Variants in PAPOLG observed in about 807,000 individuals in gnomAD.
PAPOLG encodes poly(A) polymerase gamma.
In PAPOLG, 40 loss-of-function variants were observed where a neutral mutation model predicts 99.0. That is an observed-to-expected ratio of 0.40 (90% CI 0.31 to 0.53). PAPOLG has a LOEUF of 0.53. Among genes scored for constraint, PAPOLG ranks in the 20% least tolerant of loss-of-function variants. PAPOLG has a pLI of 0.41. For missense variants in PAPOLG, 675 were observed against 884.1 expected (o/e 0.76, Z 3.00); for synonymous variants, 310 against 299.3 (o/e 1.04, Z -0.37).
intron 21 of PAPOLG, 80 bp from the exon 22 acceptor site, chr2:60,796,982 T>C: frequency 6.4e-7 from 1 of 1,568,584 alleles, no homozygotes; most frequent in Non-Finnish European, 8.7e-7. Context: ...TCCCCAAGTT[T>C]TGTGACTGAC....
intron 3 of PAPOLG, among the ~76,000 whole-genome samples, chr2:60,763,688 G>C (rs1029024943): frequency 6.6e-6 from 1 of 151,352 alleles, no homozygotes; most frequent in African/African-American, 2.4e-5. Context: ...ATTTTTAGTA[G>C]AGACGGGGTT....
intron 9 of PAPOLG, among the ~76,000 whole-genome samples, chr2:60,780,435 A>G (rs1671154044): frequency 6.6e-6 from 1 of 151,970 alleles, no homozygotes; most frequent in African/African-American, 2.4e-5. Flanking sequence ...ACCACTAGGC[A>G]TGGCTAATTT....
intron 10 of PAPOLG, among the ~76,000 whole-genome samples, 188 bp from the exon 11 acceptor site, chr2:60,781,697 T>C (rs1360189780): frequency 6.6e-6 from 1 of 152,242 alleles, no homozygotes; most frequent in Admixed American, 6.5e-5. Flanking sequence ...CAGTATTTCC[T>C]TTGACTTTGA....
intron 18 of PAPOLG, 29 bp downstream of exon 18, chr2:60,793,744 A>G (rs969630620): frequency 1.1e-5 from 18 of 1,578,726 alleles, no homozygotes; most frequent in Non-Finnish European, 1.5e-5. Context: ...ATATATTAAT[A>G]ATTATATTTA....
intron 14 of PAPOLG, 103 bp downstream of exon 14, chr2:60,787,169 G>A (rs549121581): frequency 1.1e-5 from 11 of 998,326 alleles, no homozygotes; most frequent in African/African-American, 1.6e-5. Context: ...GGCATTGATG[G>A]GAGTATGACA....
chr2:60,766,715 C>T (rs1428917598), intron 3 of PAPOLG, among the ~76,000 whole-genome samples: 3 of 148,512 alleles, frequency 2.0e-5, no homozygotes, highest in African/African-American at 2.5e-5. Flanking sequence ...ACAAAAGATG[C>T]CCAGAAAGAA....
intron 7 of PAPOLG, among the ~76,000 whole-genome samples, chr2:60,772,559 G>A (rs1670887226): frequency 6.6e-6 from 1 of 151,952 alleles, no homozygotes; most frequent in Non-Finnish European, 1.5e-5. Flanking sequence ...GACCAGCCTG[G>A]ACAACATGGT....
chr2:60,783,420 C>G (rs756707612), intron 13 of PAPOLG, among the ~76,000 whole-genome samples: 1 of 135,614 alleles, frequency 7.4e-6, no homozygotes, highest in South Asian at 2.3e-4. Context: ...AGGCTGATCT[C>G]GAGCTCCTGA....
chr2:60,790,153 T>C (rs1158352068), intron 15 of PAPOLG, among the ~76,000 whole-genome samples: 1 of 152,150 alleles, frequency 6.6e-6, no homozygotes, highest in Non-Finnish European at 1.5e-5. Flanking sequence ...TAAATCACAC[T>C]CTGGGGAGGG....
intron 13 of PAPOLG, among the ~76,000 whole-genome samples, chr2:60,785,587 G>T (rs552963886): frequency 6.6e-6 from 1 of 152,040 alleles, no homozygotes; most frequent in Non-Finnish European, 1.5e-5. Context: ...AGTATAGTGG[G>T]GTGATCATAC....
rs1671752750 is a variant in PAPOLG, at chr2:60,797,583, C to G, written c.*423C>G. ...TGTATAGAGCTAAAAAAATTGAAAACAAACAAAAAAATTGTCTTGTATTTT... is the reference window on the plus strand; with the variant it reads ...TGTATAGAGCTAAAAAAATTGAAAAGAAACAAAAAAATTGTCTTGTATTTT... On this transcript the variant is annotated 3_prime_UTR_variant, in exon 22 of 22. Transcript: ENST00000238714. The G allele has an allele frequency of 6.5e-6, 1 of 152,730 alleles. No homozygotes were observed. The highest frequency in any genetic ancestry group is 1.4e-5 in the Non-Finnish European group (1 of 69,438). 9.5% of individuals were successfully genotyped at this position (152,730 alleles called of 1,614,324 possible).
chr2:60,791,116 T>G (rs1671519122), intron 15 of PAPOLG, among the ~76,000 whole-genome samples: 1 of 151,922 alleles, frequency 6.6e-6, no homozygotes. Context: ...AGCTTAGACC[T>G]GGGCAAGTAG....
intron 1 of PAPOLG, among the ~76,000 whole-genome samples, chr2:60,759,715 C>G (rs62149378): frequency 0.14 from 20,992 of 152,108 alleles, 1,791 homozygotes; most frequent in Middle Eastern, 0.2. Context: ...GGAAAAAAAC[C>G]CATTGTTTTT....
intron 15 of PAPOLG, among the ~76,000 whole-genome samples, 177 bp downstream of exon 15, chr2:60,787,797 A>G (rs1214137101): frequency 2.0e-5 from 3 of 152,218 alleles, no homozygotes; most frequent in Non-Finnish European, 4.4e-5. Flanking sequence ...AATGCCTGTA[A>G]TCCCAGCACT....
At chr2:60,785,206 T>C (rs1418671979) in intron 13 of PAPOLG, among the ~76,000 whole-genome samples, 1 of 152,016 alleles carries the variant, frequency 6.6e-6, no homozygotes, top group Non-Finnish European at 1.5e-5. Context: ...TGGTGCGATC[T>C]CAGCTCACTG....
In PAPOLG at chr2:60,768,505, T is replaced by C. The variant is rs1407272420; in HGVS notation, c.282T>C (p.Gly94=). ...CTTCTGTTGTGGCTACTGTTGGTGGTAAAATTTTCACATTTGGATCCTATA... is the reference window on the plus strand; with the variant it reads ...CTTCTGTTGTGGCTACTGTTGGTGGCAAAATTTTCACATTTGGATCCTATA... ...LPPSVVATVG[G]KIFTFGSYRL... is the part of the protein sequence containing the mutation. The change falls in exon 4 of 22, where the codon GGT becomes GGC. Residue 94 remains glycine, a synonymous_variant. Coordinates refer to ENST00000238714, the MANE Select transcript of PAPOLG (RefSeq NM_022894.4). 6.2e-7 allele frequency: 1 copy of C among 1,613,974 alleles called. No homozygotes were observed. The highest frequency in any genetic ancestry group is 8.5e-7 in the Non-Finnish European group (1 of 1,179,832).
intron 17 of PAPOLG, among the ~76,000 whole-genome samples, chr2:60,792,723 C>G (rs953169059): frequency 1.3e-5 from 2 of 152,018 alleles, no homozygotes; most frequent in Non-Finnish European, 2.9e-5. Flanking sequence ...TGGCAAAACC[C>G]TGTCTATACA....
intron 1 of PAPOLG, among the ~76,000 whole-genome samples, chr2:60,757,753 C>T (rs1489230093): frequency 1.3e-5 from 2 of 152,048 alleles, no homozygotes; most frequent in Non-Finnish European, 2.9e-5. Flanking sequence ...TCTCTTTGTA[C>T]GCTTGTAACT....
chr2:60,756,720 C>G (rs1670353793), intron 1 of PAPOLG, among the ~76,000 whole-genome samples: 1 of 152,156 alleles, frequency 6.6e-6, no homozygotes, highest in Admixed American at 6.5e-5. Flanking sequence ...CCCCAGCTGT[C>G]CCGCCTCCGA....
Sources: gnomAD v4.1 joint callset for allele counts (sites outside exome capture counted in the v4.1 genomes callset) on GRCh38, gnomAD v4.1.1 for gene constraint, MANE v1.5 for transcripts, NCBI Gene and HGNC (gene_info 2026-07-23, HGNC 2026-07-21) for gene names.